The following SPTY2D1 variants were observed in gnomAD, a reference collection of about 807,000 sequenced individuals.
The protein encoded by SPTY2D1 is SPT2 chromatin protein domain containing 1, also known as protein SPT2 homolog.
Under a neutral mutation model 64.0 loss-of-function variants are expected in SPTY2D1, and 21 were observed. That is an observed-to-expected ratio of 0.33 (90% confidence interval 0.23 to 0.47). SPTY2D1 has a LOEUF of 0.47. Ranked by LOEUF, SPTY2D1 falls within the 20% of genes least tolerant of loss-of-function variation. The pLI is 1.00. For synonymous variants in SPTY2D1, 287 were observed against 286.8 expected (o/e 1.00, Z -0.01); for missense variants, 724 against 837.2 (o/e 0.86, Z 1.67).
At position 18,607,017 on chromosome 11, in the gene SPTY2D1, C is replaced by T. The variant is rs1284228081; in HGVS notation, c.*2844G>A. On this transcript the variant is annotated 3_prime_UTR_variant, in exon 6 of 6. Transcript: ENST00000336349. ...CTGGGATTACAGGTGTGTGCCACCGCACCCGGCTAATTTTTTTATTTTTAG... is the reference window on the plus strand; with the variant it reads ...CTGGGATTACAGGTGTGTGCCACCGTACCCGGCTAATTTTTTTATTTTTAG... The T allele has an allele frequency of 3.9e-6, 1 of 257,330 alleles. No individual in the cohort carries two copies. Among genetic ancestry groups the T allele is most frequent in the East Asian group, 1.7e-4 (1 of 5,848 alleles). 15.9% of individuals were successfully genotyped at this position (257,330 alleles called of 1,614,324 possible). A position where few individuals can be genotyped will look rare whatever the true frequency, so the allele number is the denominator to read the frequency against.
intron 1 of SPTY2D1, among the ~76,000 whole-genome samples, chr11:18,624,477 C>T (rs929810997): frequency 6.6e-6 from 1 of 152,214 alleles, no homozygotes; most frequent in African/African-American, 2.4e-5. Flanking sequence ...TTCTGCTACA[C>T]CCCAATGAAT....
chr11:18,621,026 G>A (rs886318451), intron 1 of SPTY2D1, among the ~76,000 whole-genome samples: 1 of 151,854 alleles, frequency 6.6e-6, no homozygotes, highest in Non-Finnish European at 1.5e-5. Flanking sequence ...GACTGAGGCC[G>A]GGCGTGGTGG....
intron 1 of SPTY2D1, among the ~76,000 whole-genome samples, chr11:18,623,872 T>C (rs1329618597): frequency 6.6e-6 from 1 of 152,234 alleles, no homozygotes; most frequent in Admixed American, 6.5e-5. Flanking sequence ...GTAGCATGTA[T>C]CAATATTTCC....
Position 18,612,680 on chromosome 11 carries a change from C to A in SPTY2D1, c.1712-192G>T, listed in dbSNP as rs4757675. Reference sequence around the variant, plus strand: ...AAGGAACAGAACTCCTGTTTTATCCCAGGGCTTACCAGAAATATCTTGTTA... The same window carrying A: ...AAGGAACAGAACTCCTGTTTTATCCAAGGGCTTACCAGAAATATCTTGTTA... On this transcript the variant is annotated intron_variant, in intron 3 of 5. Transcript: ENST00000336349. The surrounding 1 kb of genome is among the most constrained non-coding windows in gnomAD (Gnocchi z 4.6). 3.4e-3 allele frequency among the ~76,000 whole-genome samples: 519 copies of A among 152,192 alleles called. 13 individuals carry two copies. The highest frequency in any genetic ancestry group is 0.029 in the Admixed American group (448 of 15,286).
chr11:18,607,746 TATA>T lies in SPTY2D1; in HGVS notation c.*2112_*2114del, dbSNP rs1172649597. 1.3e-5 allele frequency: 2 copies of T among 152,232 alleles called. No individual in the cohort carries two copies. The highest frequency in any genetic ancestry group is 2.9e-5 in the Non-Finnish European group (2 of 68,044). The allele number at this position is 152,232 out of a possible 1,614,324, so 9.4% of individuals were successfully genotyped here. ...TAAATGAGCCACAGAAGTGCTCTTT[TATA>T]ATGTTGACGCAAATCAACATTTATA... On this transcript the variant is annotated 3_prime_UTR_variant, in exon 6 of 6. Transcript: ENST00000336349.
rs1003232955 is a variant in SPTY2D1 at position 18,608,165 on chromosome 11, G to C, written c.*1696C>G. On this transcript the variant is annotated 3_prime_UTR_variant, in exon 6 of 6. Coordinates refer to ENST00000336349, the MANE Select transcript of SPTY2D1 (RefSeq NM_194285.3). Reference sequence around the variant, plus strand: ...ATCAATAGGATTTTCTGCTACCATTGTAACAGTTCTATATGTAGTTACAAA... The same window carrying C: ...ATCAATAGGATTTTCTGCTACCATTCTAACAGTTCTATATGTAGTTACAAA... 6.6e-5 allele frequency: 10 copies of C among 152,578 alleles called. No individual in the cohort carries two copies. The highest frequency in any genetic ancestry group is 2.4e-4 in the African/African-American group (10 of 41,442). 9.5% of individuals were successfully genotyped at this position (152,578 alleles called of 1,614,324 possible).
intron 1 of SPTY2D1, among the ~76,000 whole-genome samples, chr11:18,632,355 ATTTT>A (rs996670759): frequency 6.9e-6 from 1 of 144,482 alleles, no homozygotes; most frequent in Non-Finnish European, 1.5e-5. Context: ...TTATCTATTG[ATTTT>A]TTTTTTTTTG....
intron 1 of SPTY2D1, among the ~76,000 whole-genome samples, chr11:18,625,764 G>T (rs1461389623): frequency 6.6e-6 from 1 of 151,646 alleles, no homozygotes; most frequent in Non-Finnish European, 1.5e-5. Flanking sequence ...ATTGGGGGGG[G>T]GGTCTCACTT....
rs1468283315 is a variant in SPTY2D1, at chr11:18,607,227, CAT to C, written c.*2632_*2633del. On this transcript the variant is annotated 3_prime_UTR_variant, in exon 6 of 6. Transcript: ENST00000336349. Reference sequence around the variant, plus strand: ...GGCACACATGTAAGGCCGCCTGTGACATGTGGTACCCTGGCCTCCAACTGGAC... The same window carrying C: ...GGCACACATGTAAGGCCGCCTGTGACGTGGTACCCTGGCCTCCAACTGGAC... The C allele has an allele frequency of 2.6e-5, 4 of 154,984 alleles. No individual in the cohort carries two copies. The highest frequency in any genetic ancestry group is 4.8e-5 in the African/African-American group (2 of 41,458). 9.6% of individuals were successfully genotyped at this position (154,984 alleles called of 1,614,324 possible). A position where few individuals can be genotyped will look rare whatever the true frequency, so the allele number is the denominator to read the frequency against.
rs373463863 is a variant in SPTY2D1 at position 18,617,022 on chromosome 11, T to C, written c.61-33A>G. 114 of 1,590,414 alleles carry C rather than the reference T, an allele frequency of 7.2e-5. 1 individual carries two copies. The highest frequency in any genetic ancestry group is 9.3e-5 in the Non-Finnish European group (108 of 1,159,290). ...CAAAAACAGTAAAAGTTAGAAGCAA[T>C]TCAACTTTTAAAATACATTATTAGG... On this transcript the variant is annotated intron_variant, in intron 1 of 5. Transcript: ENST00000336349.
At chr11:18,633,322 T>C (rs566531699) in intron 1 of SPTY2D1, among the ~76,000 whole-genome samples, 89 of 152,320 alleles carry the variant, frequency 5.8e-4, no homozygotes, top group South Asian at 8.3e-4. Context: ...TTTAGTTCTA[T>C]ACCTCACTGC....
intron 1 of SPTY2D1, among the ~76,000 whole-genome samples, chr11:18,629,104 T>C (rs968537951): frequency 6.6e-6 from 1 of 152,210 alleles, no homozygotes; most frequent in Non-Finnish European, 1.5e-5. Flanking sequence ...TTTGTGGCAG[T>C]GGAGGTCATA....
chr11:18,616,874 C>G lies in SPTY2D1; in HGVS notation c.175+1G>C. 6.2e-7 allele frequency: 1 copy of G among 1,613,698 alleles called. No individual in the cohort carries two copies. The highest frequency in any genetic ancestry group is 8.5e-7 in the Non-Finnish European group (1 of 1,179,714). On this transcript the variant is annotated splice_donor_variant, in intron 2 of 5. Transcript: ENST00000336349. LOFTEE classifies it high-confidence loss of function. The stretch of plus-strand genomic sequence containing the variant: ...TTGAGAATAAGGCTATAGATACATA[C>G]CTTTTCGTCTCAGCTCCTCTTCTTT...
rs549116757 is a variant in SPTY2D1 at position 18,632,510 on chromosome 11, G to A, written c.60+1688C>T. ...ATTACAGGCGCACACCACCATGCCC[G>A]GCTAATTTTTGTATTTTTAGTAGAG... is the stretch of plus-strand genomic sequence containing the variant. On this transcript the variant is annotated intron_variant, in intron 1 of 5. Coordinates refer to ENST00000336349, the MANE Select transcript of SPTY2D1 (RefSeq NM_194285.3). Among the ~76,000 whole-genome samples, 7 of 152,014 alleles carry A rather than the reference G, an allele frequency of 4.6e-5. No homozygotes were observed. The South Asian group carries it at 1.0e-3, about 23-fold the overall frequency.
rs1854270563 is a variant in SPTY2D1 at position 18,615,014 on chromosome 11, A to G, written c.1260T>C (p.Asn420=). 4 of 1,614,182 alleles carry G rather than the reference A, an allele frequency of 2.5e-6. No homozygotes were observed. The highest frequency in any genetic ancestry group is 3.4e-6 in the Non-Finnish European group (4 of 1,180,042). The change falls in exon 3 of 6, where the codon AAT becomes AAC. Residue 420 remains asparagine, a synonymous_variant. Coordinates refer to ENST00000336349, the MANE Select transcript of SPTY2D1 (RefSeq NM_194285.3). ...CTGTCCGCCTAGAGGGATTTGAGTCATTGGTTGGCTTCTTGGACCCACTGA... is the reference window on the plus strand; with the variant it reads ...CTGTCCGCCTAGAGGGATTTGAGTCGTTGGTTGGCTTCTTGGACCCACTGA... ...RSISGSKKPT[N]DSNPSRRTVS...
chr11:18,617,955 A>G (rs867916588), intron 1 of SPTY2D1, among the ~76,000 whole-genome samples: 2 of 152,092 alleles, frequency 1.3e-5, no homozygotes, highest in South Asian at 2.1e-4. Flanking sequence ...CCATCAATCT[A>G]TAAGTAAGTA....
In SPTY2D1 at chr11:18,615,427, T is replaced by C; in HGVS notation, c.847A>G (p.Met283Val). Residue 283 changes from methionine to valine, a missense_variant, in exon 3 of 6, where the codon ATG becomes GTG. Around this residue, in one of 3 missense-constraint regions of SPTY2D1, gnomAD observed 426 missense variants for 431.8 expected, o/e 0.99. Coordinates refer to ENST00000336349, the MANE Select transcript of SPTY2D1 (RefSeq NM_194285.3). ...KHLALSSSKSMPGERIKAGSG... is the reference protein window; with the variant it reads ...KHLALSSSKSVPGERIKAGSG... ...CCTGCCTTGATCCTCTCTCCTGGCA[T>C]GGATTTGGATGAAGACAAAGCGAGG... The C allele has an allele frequency of 6.2e-7, 1 of 1,614,174 alleles. No individual in the cohort carries two copies. Among genetic ancestry groups the C allele is most frequent in the Non-Finnish European group, 8.5e-7 (1 of 1,180,028 alleles).
Position 18,616,893 on chromosome 11 carries a change from C to T in SPTY2D1, c.157G>A (p.Glu53Lys). ...TACATACCTTTTCGTCTCAGCTCCT[C>T]TTCTTTCCTTTTAAGAAAAGCTTGT... ...AVQAFLKRKE[E>K]ELRRKALEEK... The change falls in exon 2 of 6, where the codon GAG (glutamate) becomes AAG (lysine). Residue 53 changes from glutamate to lysine, a missense_variant. Transcript: ENST00000336349. The T allele has an allele frequency of 6.2e-7, 1 of 1,614,160 alleles. No individual in the cohort carries two copies. The highest frequency in any genetic ancestry group is 1.1e-5 in the South Asian group (1 of 91,078).
Position 18,616,952 on chromosome 11 carries a change from T to C in SPTY2D1, c.98A>G (p.Asp33Gly). The C allele has an allele frequency of 6.2e-7, 1 of 1,614,164 alleles. No homozygotes were observed. The change falls in exon 2 of 6, where the codon GAC (aspartate) becomes GGC (glycine). Residue 33 changes from aspartate to glycine, a missense_variant. Around this residue, in one of 3 missense-constraint regions of SPTY2D1, gnomAD observed 179 missense variants for 232.5 expected, o/e 0.77. Transcript: ENST00000336349. ...TGATTGGACACCTTTAACTTTTGGG[T>C]CTTTTTTTGGAGGCCCCACTGCCAA... Reference protein sequence around the residue: ...YSLAVGPPKKDPKVKGVQSAA... With the variant: ...YSLAVGPPKKGPKVKGVQSAA...
Sources: gnomAD v4.1 joint callset for allele counts (sites outside exome capture counted in the v4.1 genomes callset) on GRCh38, gnomAD v4.1.1 for gene constraint, gnomAD v4.1.1 regional missense constraint, Gnocchi (gnomAD v3.1) non-coding constraint, MANE v1.5 for transcripts, NCBI Gene and HGNC (gene_info 2026-07-23, HGNC 2026-07-21) for gene names.